MATN2: variants seen among roughly 807,000 people sequenced by gnomAD.
MATN2 encodes the protein matrilin 2.
Under a neutral mutation model 103.2 loss-of-function variants are expected in MATN2, and 69 were observed. The ratio of observed to expected loss-of-function variants is 0.67; its 90% CI spans 0.55 to 0.82. The LOEUF (loss-of-function observed/expected upper bound fraction) is 0.82. Among genes scored for constraint, MATN2 ranks in the 40% least tolerant of loss-of-function variants. MATN2 has a pLI of 0.00. For synonymous variants in MATN2, 429 were observed against 450.2 expected (o/e 0.95, Z 0.60); for missense variants, 1,023 against 1,211.5 (o/e 0.84, Z 2.31).
chr8:97,887,846 AT>A (rs758088307), intron 1 of MATN2: 19 of 407,180 alleles, frequency 4.7e-5, no homozygotes, highest in Non-Finnish European at 3.5e-5. Context: ...TCTTACAGTG[AT>A]TAAAGTGATG....
chr8:97,991,525 C>T (rs1812386548), intron 6 of MATN2, among the ~76,000 whole-genome samples: 1 of 152,164 alleles, frequency 6.6e-6, no homozygotes, highest in Non-Finnish European at 1.5e-5. Flanking sequence ...AGTTCGAGAA[C>T]AGCCTGGGCA....
chr8:97,926,653 C>T (rs998475288), intron 2 of MATN2, among the ~76,000 whole-genome samples: 3 of 152,260 alleles, frequency 2.0e-5, no homozygotes, highest in Non-Finnish European at 4.4e-5. Flanking sequence ...GTCTGTGATT[C>T]CATGAGTCAA....
At chr8:97,976,388 C>T (rs568905794) in intron 5 of MATN2, among the ~76,000 whole-genome samples, 1 of 152,172 alleles carries the variant, frequency 6.6e-6, no homozygotes, top group African/African-American at 2.4e-5. Context: ...GGATTACAGG[C>T]GTGAGCCACC....
At chr8:97,955,240 A>G (rs535392463) in intron 4 of MATN2, among the ~76,000 whole-genome samples, 1 of 152,300 alleles carries the variant, frequency 6.6e-6, no homozygotes, top group African/African-American at 2.4e-5. Flanking sequence ...TTTTAAGCAG[A>G]AGAGAGGCAG....
In MATN2 at chr8:97,874,695, A is replaced by T. The variant is rs184206562; in HGVS notation, c.-27+5408A>T. Among the ~76,000 whole-genome samples the T allele has an allele frequency of 8.7e-5, 13 of 150,204 alleles. No individual in the cohort carries two copies. The South Asian group carries it at 1.3e-3, about 15-fold the overall frequency. On this transcript the variant is annotated intron_variant, in intron 1 of 18. Coordinates refer to ENST00000254898, the MANE Select transcript of MATN2 (RefSeq NM_002380.5). The stretch of plus-strand genomic sequence containing the variant: ...TTCCCAAAGTGCTGGGATTACAGGC[A>T]TGAGCCACCATGCCCTGACCTCTTC...
chr8:97,907,757 A>G (rs1819228439), intron 2 of MATN2, among the ~76,000 whole-genome samples: 2 of 152,234 alleles, frequency 1.3e-5, no homozygotes, highest in Non-Finnish European at 2.9e-5. Context: ...TAGAGTGGTT[A>G]TGAGGATGGA....
At chr8:97,922,564 T>G (rs1427770857) in intron 2 of MATN2, among the ~76,000 whole-genome samples, 1 of 152,240 alleles carries the variant, frequency 6.6e-6, no homozygotes, top group Non-Finnish European at 1.5e-5. Context: ...AAGGATTCTA[T>G]TTCATGTGCC....
intron 8 of MATN2, among the ~76,000 whole-genome samples, chr8:98,004,625 T>C (rs978193010): frequency 6.6e-6 from 1 of 152,226 alleles, no homozygotes; most frequent in South Asian, 2.1e-4. Flanking sequence ...GAACTGTTCC[T>C]ATCATGGAGC....
At chr8:98,018,258 C>T in intron 12 of MATN2, 142 bp downstream of exon 12, 2 of 1,124,966 alleles carry the variant, frequency 1.8e-6, no homozygotes, top group South Asian at 2.9e-5. Flanking sequence ...AAGTGTTTAG[C>T]TAGAGATCAG....
chr8:97,884,613 T>C (rs571135672), intron 1 of MATN2, among the ~76,000 whole-genome samples: 7 of 151,986 alleles, frequency 4.6e-5, no homozygotes, highest in South Asian at 2.1e-4. Flanking sequence ...TCTACTAAAA[T>C]ACAAAAAATT....
Position 97,888,243 on chromosome 8 carries a change from G to A in MATN2, c.142+1G>A, listed in dbSNP as rs763985941. Reference sequence around the variant, plus strand: ...ACCCACCCGCAGACGGCCCTTCTGGGTGAGTGGTGGTGCTCACCCCCAAAA... The same window carrying A: ...ACCCACCCGCAGACGGCCCTTCTGGATGAGTGGTGGTGCTCACCCCCAAAA... On this transcript the variant is annotated splice_donor_variant, in intron 2 of 18. Coordinates refer to ENST00000254898, the MANE Select transcript of MATN2 (RefSeq NM_002380.5). LOFTEE classifies it high-confidence loss of function. 6.5e-7 allele frequency: 1 copy of A among 1,546,316 alleles called. No homozygotes were observed. The highest frequency in any genetic ancestry group is 1.2e-5 in the South Asian group (1 of 82,574).
At chr8:98,010,932 G>A (rs1197125784) in intron 10 of MATN2, among the ~76,000 whole-genome samples, 1 of 152,246 alleles carries the variant, frequency 6.6e-6, no homozygotes, top group Non-Finnish European at 1.5e-5. Context: ...GAGGCTAGGG[G>A]AGTGTCTTAG....
intron 13 of MATN2, chr8:98,025,272 GCACACACA>G (rs111241959): frequency 6.7e-6 from 1 of 149,220 alleles, no homozygotes; most frequent in Non-Finnish European, 1.5e-5. Context: ...GCGCACTCAC[GCACACACA>G]CACACACACA....
intron 8 of MATN2, 168 bp downstream of exon 8, chr8:98,003,951 A>C: frequency 1.3e-6 from 1 of 768,780 alleles, no homozygotes; most frequent in Admixed American, 2.4e-5. Flanking sequence ...TGTGACTATT[A>C]ATGCTATCGG....
chr8:97,974,603 C>A (rs1044923882), intron 5 of MATN2, among the ~76,000 whole-genome samples: 8 of 151,298 alleles, frequency 5.3e-5, no homozygotes, highest in African/African-American at 1.9e-4. Flanking sequence ...CCTGCCACCA[C>A]GCCCAGCTAC....
intron 7 of MATN2, 121 bp from the exon 8 acceptor site, chr8:98,003,540 T>C: frequency 9.5e-7 from 1 of 1,056,854 alleles, no homozygotes; most frequent in Non-Finnish European, 1.4e-6. Flanking sequence ...CGTCCCGGCT[T>C]GCCTCAGCAG....
chr8:97,940,023 G>T (rs1421548167), intron 3 of MATN2, among the ~76,000 whole-genome samples: 3 of 152,290 alleles, frequency 2.0e-5, no homozygotes, highest in East Asian at 1.9e-4. Context: ...TGGTTAGCAG[G>T]TATCTTCAGC....
In MATN2 at chr8:98,003,801, G is replaced by A; in HGVS notation, c.1327+18G>A. On this transcript the variant is annotated intron_variant, in intron 8 of 18. Transcript: ENST00000254898. ...CTGCAGCCGTGAGTGTACCCTAGGGGTGGGGTGCTGATGGAAGGTGGGGTC... is the reference window on the plus strand; with the variant it reads ...CTGCAGCCGTGAGTGTACCCTAGGGATGGGGTGCTGATGGAAGGTGGGGTC... 2 of 1,613,312 alleles carry A rather than the reference G, an allele frequency of 1.2e-6. No homozygotes were observed. The highest frequency in any genetic ancestry group is 1.7e-4 in the Middle Eastern group (1 of 6,060).
intron 4 of MATN2, among the ~76,000 whole-genome samples, chr8:97,943,376 TC>T (rs1810636064): frequency 6.6e-6 from 1 of 151,792 alleles, no homozygotes. Context: ...CCCACTCCCT[TC>T]CTGCCCTTTC....
Sources: allele counts gnomAD v4.1 joint callset (sites outside exome capture counted in the v4.1 genomes callset), GRCh38; gene constraint gnomAD v4.1.1; transcripts MANE v1.5; gene names NCBI Gene and HGNC (gene_info 2026-07-23, HGNC 2026-07-21).